PUDP: variants seen among roughly 807,000 people sequenced by gnomAD.
PUDP encodes the protein pseudouridine 5'-phosphatase.
PUDP carries 8 observed loss-of-function variants against 9.4 expected under a neutral mutation model. That is an observed-to-expected ratio of 0.85 (90% CI 0.50 to 1.53). PUDP has a LOEUF of 1.53. Ranked by LOEUF, PUDP falls within the 40% of genes most tolerant of loss-of-function variation. The pLI, the probability that PUDP is intolerant of heterozygous loss-of-function variation, is 0.00. For synonymous variants in PUDP, 99 were observed against 80.7 expected, an observed-to-expected ratio of 1.23 and a Z score of -1.22; for missense variants, 188 against 189.7, an observed-to-expected ratio of 0.99 and a Z score of 0.05.
chrX:7,058,182 G>T (rs934270924), intron 3 of PUDP, among the ~76,000 whole-genome samples: 1 of 112,071 alleles, frequency 8.9e-6, no homozygotes, highest in Non-Finnish European at 1.9e-5. Context: ...TTTCGTAACC[G>T]ATTTTACCTT....
At chrX:6,894,019 G>A (rs1927552357) in intron 3 of PUDP, among the ~76,000 whole-genome samples, 1 of 111,821 alleles carries the variant, frequency 8.9e-6, no homozygotes, top group African/African-American at 3.3e-5. Flanking sequence ...AAGACTGCTT[G>A]TTCTCACTTA....
chrX:7,043,475 G>C (rs1929948689), intron 1 of PUDP, among the ~76,000 whole-genome samples: 1 of 111,988 alleles, frequency 8.9e-6, no homozygotes, highest in East Asian at 2.8e-4. Context: ...AGAAGCAGAT[G>C]CTGGTGCAAT....
At chrX:6,998,513 T>C (rs1929280905) in intron 1 of PUDP, among the ~76,000 whole-genome samples, 1 of 110,499 alleles carries the variant, frequency 9.0e-6, no homozygotes, top group Non-Finnish European at 1.9e-5. Flanking sequence ...TATGAGACTT[T>C]AGTCTTTCTC....
chrX:6,951,760 C>T (rs891332864), intron 3 of PUDP, among the ~76,000 whole-genome samples: 3 of 112,192 alleles, frequency 2.7e-5, no homozygotes, highest in East Asian at 2.8e-4. Flanking sequence ...GTGCTGCAGT[C>T]GGCATGCCTT....
chrX:6,820,952 T>C (rs911215634), intron 3 of PUDP, among the ~76,000 whole-genome samples: 1 of 111,843 alleles, frequency 8.9e-6, no homozygotes, highest in Admixed American at 9.4e-5. Context: ...TGCACTGCCC[T>C]AGCAGAGGCT....
intron 3 of PUDP, among the ~76,000 whole-genome samples, chrX:6,976,614 C>G (rs2146797119): frequency 8.9e-6 from 1 of 112,072 alleles, no homozygotes; most frequent in Non-Finnish European, 1.9e-5. Flanking sequence ...GTTGATCTCA[C>G]TGGGAGCTGC....
At chrX:6,802,536 C>A (rs17315657) in intron 3 of PUDP, among the ~76,000 whole-genome samples, 15,856 of 110,478 alleles carry the variant, frequency 0.14, 918 homozygotes, top group East Asian at 0.24. Context: ...GGAAGTAGAT[C>A]CTAGGAGAGA....
chrX:7,117,065 T>G (rs911921868), intron 1 of PUDP: 6 of 1,162,304 alleles, frequency 5.2e-6, no homozygotes, highest in Non-Finnish European at 6.9e-6. Context: ...TAAACCGTTG[T>G]TCTTCTAAAT....
At chrX:7,107,493 G>C (rs188099312) in intron 1 of PUDP, among the ~76,000 whole-genome samples, 2 of 112,145 alleles carry the variant, frequency 1.8e-5, no homozygotes, top group African/African-American at 6.5e-5. Flanking sequence ...TAATTGCCTC[G>C]ATGTGTTTTG....
chrX:6,861,072 T>A (rs1926994529), intron 3 of PUDP, among the ~76,000 whole-genome samples: 1 of 112,194 alleles, frequency 8.9e-6, no homozygotes, highest in East Asian at 2.8e-4. Context: ...TATGCAGACA[T>A]TTTCCAACAT....
upstream of PUDP, among the ~76,000 whole-genome samples, chrX:6,721,993 T>A (rs1476406708): frequency 9.1e-6 from 1 of 110,409 alleles, no homozygotes; most frequent in Non-Finnish European, 1.9e-5. Context: ...GAGGAATATA[T>A]AAAAAGACAT....
intron 2 of PUDP, among the ~76,000 whole-genome samples, chrX:7,093,797 C>A (rs1224419610): frequency 1.8e-5 from 2 of 111,965 alleles, no homozygotes; most frequent in Non-Finnish European, 3.8e-5. Context: ...CACAGGAGAA[C>A]CACCACACAT....
intron 3 of PUDP, among the ~76,000 whole-genome samples, chrX:6,771,504 T>C (rs1925363593): frequency 8.9e-6 from 1 of 111,965 alleles, no homozygotes; most frequent in Non-Finnish European, 1.9e-5. Flanking sequence ...CTCTCACCCA[T>C]TAGACCATTT....
At chrX:6,858,243 A>T (rs1926937388) in intron 3 of PUDP, among the ~76,000 whole-genome samples, 1 of 110,671 alleles carries the variant, frequency 9.0e-6, no homozygotes, top group Admixed American at 9.6e-5. Context: ...CCCTGATTCC[A>T]TGGGGAGAGG....
rs376381102 is a variant in PUDP, at chrX:6,897,574, GC to G, written c.*247+79558del. Among the ~76,000 whole-genome samples, 464 of 111,071 alleles carry G rather than the reference GC, an allele frequency of 4.2e-3. 3 individuals carry two copies. Among genetic ancestry groups the G allele is most frequent in the African/African-American group, 0.014 (439 of 30,532 alleles). ...GTGACCTTGGGCAGGTCGTTTAACT[GC>G]CCCCTGCCTCAGTTTCCCCATCTTA... On this transcript the variant is annotated intron_variant and NMD_transcript_variant, in intron 3 of 3. Transcript: ENST00000655425.
At chrX:6,975,320 T>C (rs1456927470) in intron 3 of PUDP, among the ~76,000 whole-genome samples, 1 of 111,517 alleles carries the variant, frequency 9.0e-6, no homozygotes, top group Non-Finnish European at 1.9e-5. Context: ...AGCCTTTTTA[T>C]ACTGGTTTTT....
chrX:7,067,573 G>T (rs776533592), intron 3 of PUDP, among the ~76,000 whole-genome samples: 1 of 111,858 alleles, frequency 8.9e-6, no homozygotes, highest in South Asian at 3.8e-4. Flanking sequence ...GAGAGGGAGA[G>T]CCTGAAGGTG....
At chrX:7,100,414 C>T (rs932241519) in intron 2 of PUDP, among the ~76,000 whole-genome samples, 5 of 111,651 alleles carry the variant, frequency 4.5e-5, no homozygotes, top group African/African-American at 6.5e-5. Context: ...AAAAGAATGA[C>T]GTTGAATTAA....
At position 6,806,981 on chromosome X, in the gene PUDP, G is replaced by T. The variant is rs954598500; in HGVS notation, c.*248-100515C>A. Among the ~76,000 whole-genome samples, 6 of 112,507 alleles carry T rather than the reference G, an allele frequency of 5.3e-5. No homozygotes were observed. In the East Asian group the frequency reaches 8.4e-4, roughly 16 times the overall value. ...ATGCAACCAGGAAACACAGAGGCAG[G>T]TGGAGGAAACTCCACTACCTACTGG... On this transcript the variant is annotated intron_variant and NMD_transcript_variant, in intron 3 of 3. Transcript: ENST00000655425.
Sources: gnomAD v4.1 joint callset for allele counts (sites outside exome capture counted in the v4.1 genomes callset) on GRCh38, gnomAD v4.1.1 for gene constraint, MANE v1.5 for transcripts, NCBI Gene and HGNC (gene_info 2026-07-23, HGNC 2026-07-21) for gene names.